Variants in FHOD3 observed in about 807,000 individuals in gnomAD.
FHOD3 encodes the protein FH1/FH2 domain-containing protein 3.
In FHOD3, 90 loss-of-function variants were observed where a neutral mutation model predicts 173.0. That is an observed-to-expected ratio of 0.52 (90% CI 0.44 to 0.62). The LOEUF (loss-of-function observed/expected upper bound fraction) is 0.62, where lower values mean the gene tolerates loss of function less well. Ranked by LOEUF, FHOD3 falls within the 20% of genes least tolerant of loss-of-function variation. The probability of loss-of-function intolerance (pLI) is 0.00; values close to 1 mark genes in which losing one functional copy is unlikely to be tolerated. For missense variants in FHOD3, 1,945 were observed against 2,034.7 expected, an observed-to-expected ratio of 0.96 and a Z score of 0.85; for synonymous variants, 828 against 823.0, an observed-to-expected ratio of 1.01 and a Z score of -0.10.
chr18:36,694,711 A>C (rs1160574927), intron 17 of FHOD3, among the ~76,000 whole-genome samples: 1 of 152,228 alleles, frequency 6.6e-6, no homozygotes, highest in Non-Finnish European at 1.5e-5. Flanking sequence ...CGTCCTTTAC[A>C]GAATGATTGT....
intron 5 of FHOD3, among the ~76,000 whole-genome samples, chr18:36,520,867 T>G (rs1050236938): frequency 2.6e-5 from 4 of 152,234 alleles, no homozygotes; most frequent in Non-Finnish European, 4.4e-5. Flanking sequence ...TCCACTTTAT[T>G]CATACCAAAG....
At chr18:36,365,519 G>T (rs1029266386) in intron 2 of FHOD3, among the ~76,000 whole-genome samples, 1 of 151,990 alleles carries the variant, frequency 6.6e-6, no homozygotes, top group African/African-American at 2.4e-5. Flanking sequence ...CTGAGTGTGG[G>T]GACACAGAGC....
intron 3 of FHOD3, among the ~76,000 whole-genome samples, chr18:36,441,434 G>A (rs869458): frequency 1.1e-4 from 17 of 151,956 alleles, no homozygotes; most frequent in African/African-American, 3.6e-4. Flanking sequence ...GGATGAGGAC[G>A]AGGCTGAAGC....
chr18:36,739,214 A>G (rs2041786158), intron 20 of FHOD3, among the ~76,000 whole-genome samples: 1 of 152,226 alleles, frequency 6.6e-6, no homozygotes, highest in Non-Finnish European at 1.5e-5. Flanking sequence ...AGAAAGTTCT[A>G]AACAACCCAC....
chr18:36,641,485 A>C (rs1231213207), intron 10 of FHOD3, among the ~76,000 whole-genome samples: 1 of 152,164 alleles, frequency 6.6e-6, no homozygotes, highest in Admixed American at 6.5e-5. Context: ...GGCTTTAAAC[A>C]GCCAAGTTTT....
chr18:36,494,319 C>T (rs996148174), intron 3 of FHOD3, among the ~76,000 whole-genome samples: 1 of 152,142 alleles, frequency 6.6e-6, no homozygotes. Context: ...CAGCATAATA[C>T]ATGATTGCAA....
intron 17 of FHOD3, among the ~76,000 whole-genome samples, chr18:36,707,925 G>A (rs1474204968): frequency 6.6e-6 from 1 of 152,102 alleles, no homozygotes; most frequent in African/African-American, 2.4e-5. Flanking sequence ...AGAAGAGTGG[G>A]CTTTGCTCAG....
At chr18:36,678,790 A>T (rs1411841269) in intron 14 of FHOD3, among the ~76,000 whole-genome samples, 1 of 152,140 alleles carries the variant, frequency 6.6e-6, no homozygotes, top group Non-Finnish European at 1.5e-5. Flanking sequence ...GTCATCTTAC[A>T]TTACCCTTAC....
chr18:36,298,595 C>T (rs925119294), intron 1 of FHOD3, among the ~76,000 whole-genome samples: 3 of 152,078 alleles, frequency 2.0e-5, no homozygotes, highest in African/African-American at 7.2e-5. Context: ...GGGTATCCCC[C>T]TTTTCTTCTG....
chr18:36,492,104 T>C (rs1175155773), intron 3 of FHOD3, among the ~76,000 whole-genome samples: 3 of 152,216 alleles, frequency 2.0e-5, no homozygotes, highest in Non-Finnish European at 4.4e-5. Flanking sequence ...GGATGATATC[T>C]GATCCTCCCG....
At chr18:36,626,459 C>G (rs1005618679) in intron 10 of FHOD3, among the ~76,000 whole-genome samples, 2 of 152,150 alleles carry the variant, frequency 1.3e-5, no homozygotes, top group African/African-American at 4.8e-5. Context: ...CAAAATCTGC[C>G]AAACCCAGAG....
intron 19 of FHOD3, among the ~76,000 whole-genome samples, chr18:36,727,869 A>G (rs1391969820): frequency 6.6e-6 from 1 of 152,134 alleles, no homozygotes; most frequent in Non-Finnish European, 1.5e-5. Flanking sequence ...TCATTTTGTC[A>G]TCTGCATAAA....
chr18:36,728,009 A>ACC (rs2041165407), intron 19 of FHOD3, among the ~76,000 whole-genome samples: 1 of 152,040 alleles, frequency 6.6e-6, no homozygotes, highest in Non-Finnish European at 1.5e-5. Flanking sequence ...GCACCTCCAG[A>ACC]CCCCTATCTC....
At chr18:36,752,612 A>G (rs937616579) in intron 24 of FHOD3, among the ~76,000 whole-genome samples, 5 of 152,230 alleles carry the variant, frequency 3.3e-5, no homozygotes, top group African/African-American at 1.2e-4. Context: ...AAGGAATACC[A>G]TAGTTTCTCT....
At chr18:36,534,247 T>A (rs138372529) in intron 5 of FHOD3, among the ~76,000 whole-genome samples, 40 of 152,334 alleles carry the variant, frequency 2.6e-4, no homozygotes, top group African/African-American at 9.1e-4. Context: ...AAACCACAGC[T>A]AAGTCAGGGG....
chr18:36,475,751 T>TACACACACACACAC (rs58982535), intron 3 of FHOD3, among the ~76,000 whole-genome samples: 11 of 143,070 alleles, frequency 7.7e-5, no homozygotes, highest in Non-Finnish European at 1.4e-4. Flanking sequence ...TATAGAAACA[T>TACACACACACACAC]ACACACACAC....
intron 16 of FHOD3, 75 bp downstream of exon 16, chr18:36,687,253 C>T: frequency 9.0e-7 from 1 of 1,110,914 alleles, no homozygotes; most frequent in Non-Finnish European, 1.3e-6. Flanking sequence ...TGCAGAGAGA[C>T]TGTCGATTAA....
chr18:36,767,172 A>G (rs1360541427), intron 27 of FHOD3, among the ~76,000 whole-genome samples: 1 of 152,206 alleles, frequency 6.6e-6, no homozygotes, highest in Non-Finnish European at 1.5e-5. Flanking sequence ...AGGATTTATA[A>G]TGCTGAAAAA....
intron 5 of FHOD3, among the ~76,000 whole-genome samples, chr18:36,534,677 C>T (rs2056922562): frequency 6.6e-6 from 1 of 152,030 alleles, no homozygotes; most frequent in Admixed American, 6.6e-5. Context: ...ATGTAATTGC[C>T]TTCAGTTATT....
Sources: gnomAD v4.1 joint callset for allele counts (sites outside exome capture counted in the v4.1 genomes callset) on GRCh38, gnomAD v4.1.1 for gene constraint, MANE v1.5 for transcripts, NCBI Gene and HGNC (gene_info 2026-07-23, HGNC 2026-07-21) for gene names.